The following ETF1 variants were observed in gnomAD, a reference collection of about 807,000 sequenced individuals.
ETF1 encodes eukaryotic peptide chain release factor subunit 1.
In ETF1, 4 loss-of-function variants were observed where a neutral mutation model predicts 55.1. The ratio of observed to expected loss-of-function variants is 0.07; its 90% CI spans 0.04 to 0.17. The LOEUF (loss-of-function observed/expected upper bound fraction) is 0.17. Among genes scored for constraint, ETF1 ranks in the 10% least tolerant of loss-of-function variants. The pLI, the probability that ETF1 is intolerant of heterozygous loss-of-function variation, is 1.00. For missense variants in ETF1, 142 were observed against 523.6 expected (o/e 0.27, Z 7.11); for synonymous variants, 157 against 182.3 (o/e 0.86, Z 1.12).
chr5:138,528,873 A>C (rs952186298), intron 2 of ETF1, among the ~76,000 whole-genome samples: 1 of 152,140 alleles, frequency 6.6e-6, no homozygotes, highest in Non-Finnish European at 1.5e-5. Context: ...TGGGCCAGGC[A>C]TGGTGGCTCA....
chr5:138,532,051 A>C (rs1372263920), intron 2 of ETF1, among the ~76,000 whole-genome samples: 1 of 43,426 alleles, frequency 2.3e-5, no homozygotes, highest in African/African-American at 6.8e-5. Flanking sequence ...GCCTCAAAAA[A>C]ATAAAATAAA....
intron 3 of ETF1, chr5:138,517,903 C>G (rs1193592769): frequency 2.0e-6 from 2 of 984,936 alleles, no homozygotes; most frequent in East Asian, 2.3e-4. Flanking sequence ...ACGATTTATT[C>G]TTTAAAGTAA....
intron 2 of ETF1, chr5:138,542,573 T>G (rs1766227121): frequency 7.4e-7 from 1 of 1,342,624 alleles, no homozygotes. Flanking sequence ...GGTGCAAAAG[T>G]AGCGGTGGCC....
intron 2 of ETF1, 28 bp downstream of exon 2, chr5:138,542,805 C>A (rs778811222): frequency 3.1e-6 from 5 of 1,610,170 alleles, no homozygotes; most frequent in Non-Finnish European, 4.2e-6. Flanking sequence ...ACCAAGAGGG[C>A]ACGGAGGGTG....
rs781112500 is a variant in ETF1 at position 138,517,537 on chromosome 5, A to G, written c.402+24T>C. The G allele has an allele frequency of 8.7e-6, 13 of 1,488,234 alleles. No individual in the cohort carries two copies. The Admixed American group carries it at 2.1e-4, about 24-fold the overall frequency. The allele number at this position is 1,488,234 out of a possible 1,614,324, so 92.2% of individuals were successfully genotyped here. ...GGGGAAAGAATTCTGGAGCGATGAAAATGTTCTGGGTTTGACTTCTTACCT... is the reference window on the plus strand; with the variant it reads ...GGGGAAAGAATTCTGGAGCGATGAAGATGTTCTGGGTTTGACTTCTTACCT... On this transcript the variant is annotated intron_variant, in intron 4 of 10. Transcript: ENST00000360541.
chr5:138,531,485 T>C (rs1352603680), intron 2 of ETF1, among the ~76,000 whole-genome samples: 1 of 152,204 alleles, frequency 6.6e-6, no homozygotes, highest in East Asian at 1.9e-4. Context: ...TACTCAACTT[T>C]ACCAGCCCGA....
intron 2 of ETF1, among the ~76,000 whole-genome samples, chr5:138,536,966 T>C (rs766227622): frequency 9.2e-5 from 14 of 152,216 alleles, no homozygotes; most frequent in African/African-American, 2.2e-4. Flanking sequence ...CCTTGCAATA[T>C]GTCCAGAGTA....
intron 4 of ETF1, among the ~76,000 whole-genome samples, chr5:138,516,241 G>T (rs2127078394): frequency 6.6e-6 from 1 of 152,296 alleles, no homozygotes; most frequent in South Asian, 2.1e-4. Flanking sequence ...TGGACTGCTT[G>T]TAACACAATG....
At chr5:138,531,316 C>T (rs1216106053) in intron 2 of ETF1, among the ~76,000 whole-genome samples, 1 of 152,136 alleles carries the variant, frequency 6.6e-6, no homozygotes. Flanking sequence ...AAGGATGCAG[C>T]GTTCAAGGTG....
chr5:138,508,626 T>C lies in ETF1; in HGVS notation c.1231+43A>G, dbSNP rs1764646051. 3 of 1,609,300 alleles carry C rather than the reference T, an allele frequency of 1.9e-6. No homozygotes were observed. In the South Asian group the frequency reaches 3.3e-5, roughly 18 times the overall value. ...GGGCTAGCCAGGAGGGACCTTGACC[T>C]GAGACCCTGGTTTTAAGTTTGGTTT... On this transcript the variant is annotated intron_variant, in intron 10 of 10. Transcript: ENST00000360541.
intron 2 of ETF1, chr5:138,529,496 G>C (rs1008647598): frequency 1.9e-6 from 1 of 529,100 alleles, no homozygotes. Flanking sequence ...TGAATCATGG[G>C]GTACAGCAAT....
chr5:138,534,502 T>C (rs1366376533), intron 2 of ETF1, among the ~76,000 whole-genome samples: 1 of 152,246 alleles, frequency 6.6e-6, no homozygotes, highest in Admixed American at 6.5e-5. Context: ...GGGAGGGATT[T>C]TGCAACAAGT....
chr5:138,518,659 G>T, intron 3 of ETF1, 33 bp downstream of exon 3: 1 of 1,589,608 alleles, frequency 6.3e-7, no homozygotes, highest in Non-Finnish European at 8.6e-7. Context: ...ACCAAAATGT[G>T]TAGAGAAGGA....
intron 2 of ETF1, among the ~76,000 whole-genome samples, chr5:138,531,282 G>C (rs777502689): frequency 6.6e-6 from 1 of 152,118 alleles, no homozygotes; most frequent in African/African-American, 2.4e-5. Flanking sequence ...CTTGCCATGA[G>C]AGGAACAGTG....
chr5:138,514,699 G>A (rs2127074991), intron 4 of ETF1, among the ~76,000 whole-genome samples: 1 of 152,174 alleles, frequency 6.6e-6, no homozygotes, highest in African/African-American at 2.4e-5. Context: ...CAAAGTGCCG[G>A]GGTTACAGGC....
At position 138,506,524 on chromosome 5, in the gene ETF1, G is replaced by A. The variant is rs1157160358; in HGVS notation, c.*1781C>T. The A allele has an allele frequency of 6.5e-6, 1 of 152,676 alleles. No individual in the cohort carries two copies. The highest frequency in any genetic ancestry group is 2.4e-5 in the African/African-American group (1 of 41,462). The allele number at this position is 152,676 out of a possible 1,614,324, so 9.5% of individuals were successfully genotyped here. On this transcript the variant is annotated 3_prime_UTR_variant, in exon 11 of 11. Transcript: ENST00000360541. Reference sequence around the variant, plus strand: ...TAAGGTACTGCTGTGAAGAGAGCATGTTTGCTCGCTCTTGGGTGTTCTGCA... The same window carrying A: ...TAAGGTACTGCTGTGAAGAGAGCATATTTGCTCGCTCTTGGGTGTTCTGCA...
At chr5:138,529,675 A>C (rs1427175614) in intron 2 of ETF1, 1 of 984,932 alleles carries the variant, frequency 1.0e-6, no homozygotes, top group African/African-American at 1.7e-5. Context: ...CAGAGGGTTA[A>C]CGTCTGAAAA....
At chr5:138,533,955 C>T (rs1765810093) in intron 2 of ETF1, among the ~76,000 whole-genome samples, 1 of 152,084 alleles carries the variant, frequency 6.6e-6, no homozygotes, top group South Asian at 2.1e-4. Flanking sequence ...GATGGGGCTG[C>T]CTTTTATAAA....
chr5:138,527,271 G>A (rs979830269), intron 2 of ETF1, among the ~76,000 whole-genome samples: 2 of 152,184 alleles, frequency 1.3e-5, no homozygotes, highest in Non-Finnish European at 2.9e-5. Flanking sequence ...TACCTTGAAG[G>A]CTGGTTCATA....
Sources: gnomAD v4.1 joint callset for allele counts (sites outside exome capture counted in the v4.1 genomes callset) on GRCh38, gnomAD v4.1.1 for gene constraint, MANE v1.5 for transcripts, NCBI Gene and HGNC (gene_info 2026-07-23, HGNC 2026-07-21) for gene names.